Variants in KCNIP4 observed in about 807,000 individuals in gnomAD.
KCNIP4 encodes potassium voltage-gated channel interacting protein 4, also known as Kv channel-interacting protein 4.
In KCNIP4, 12 loss-of-function variants were observed where a neutral mutation model predicts 34.0. That is an observed-to-expected ratio of 0.35 (90% confidence interval 0.23 to 0.57). The LOEUF (loss-of-function observed/expected upper bound fraction) is 0.57, where lower values mean the gene tolerates loss of function less well. KCNIP4 is among the 20% of genes least tolerant of loss of function. KCNIP4 has a pLI of 0.83. For synonymous variants in KCNIP4, 124 were observed against 102.2 expected (o/e 1.21, Z -1.29); for missense variants, 238 against 311.7 (o/e 0.76, Z 1.78).
At chr4:20,824,425 T>G (rs1253561647) in intron 3 of KCNIP4, among the ~76,000 whole-genome samples, 1 of 152,204 alleles carries the variant, frequency 6.6e-6, no homozygotes, top group East Asian at 1.9e-4. Flanking sequence ...CTCATGCCTG[T>G]AATCCCAGCA....
chr4:21,271,434 A>G (rs1379340585), intron 1 of KCNIP4, among the ~76,000 whole-genome samples: 1 of 152,190 alleles, frequency 6.6e-6, no homozygotes, highest in African/African-American at 2.4e-5. Flanking sequence ...ATAGCATTTT[A>G]GGAGATGCAG....
chr4:21,034,197 T>C (rs965435650), intron 1 of KCNIP4, among the ~76,000 whole-genome samples: 3 of 152,212 alleles, frequency 2.0e-5, no homozygotes, highest in South Asian at 4.1e-4. Context: ...TGCACACTTA[T>C]AGAAGAGTTC....
At chr4:21,073,788 C>T (rs553321450) in intron 1 of KCNIP4, among the ~76,000 whole-genome samples, 37 of 152,178 alleles carry the variant, frequency 2.4e-4, no homozygotes, top group Middle Eastern at 3.4e-3. Flanking sequence ...ATAAAGAGTG[C>T]TTATTATTTT....
At chr4:20,867,671 G>T (rs143851570) in intron 2 of KCNIP4, among the ~76,000 whole-genome samples, 8 of 152,056 alleles carry the variant, frequency 5.3e-5, no homozygotes, top group African/African-American at 1.7e-4. Context: ...AAATAGACAA[G>T]TGGGACCTAA....
At chr4:20,921,862 T>C (rs1170111704) in intron 1 of KCNIP4, among the ~76,000 whole-genome samples, 2 of 152,232 alleles carry the variant, frequency 1.3e-5, no homozygotes, top group African/African-American at 4.8e-5. Flanking sequence ...ATGAAGACTA[T>C]CTCTATTATA....
chr4:21,328,171 G>A (rs1285378361), intron 1 of KCNIP4, among the ~76,000 whole-genome samples: 2 of 152,060 alleles, frequency 1.3e-5, no homozygotes, highest in Non-Finnish European at 2.9e-5. Context: ...AGTCTTTGTG[G>A]TTGGCTTGTT....
intron 1 of KCNIP4, among the ~76,000 whole-genome samples, chr4:21,797,973 T>C (rs555345706): frequency 6.6e-6 from 1 of 152,200 alleles, no homozygotes; most frequent in South Asian, 2.1e-4. Context: ...ATCAGAATAG[T>C]ATGATGTAAG....
At chr4:20,871,948 A>G (rs1265101298) in intron 2 of KCNIP4, among the ~76,000 whole-genome samples, 1 of 152,100 alleles carries the variant, frequency 6.6e-6, no homozygotes, top group African/African-American at 2.4e-5. Context: ...GCTTTGCAAA[A>G]CAAAGCATGA....
At chr4:20,925,142 G>A (rs1288383446) in intron 1 of KCNIP4, among the ~76,000 whole-genome samples, 2 of 152,140 alleles carry the variant, frequency 1.3e-5, no homozygotes, top group African/African-American at 4.8e-5. Flanking sequence ...TATATGCAAA[G>A]GTTACCTGTG....
At chr4:21,442,639 C>A (rs1222733801) in intron 1 of KCNIP4, among the ~76,000 whole-genome samples, 1 of 152,138 alleles carries the variant, frequency 6.6e-6, no homozygotes, top group African/African-American at 2.4e-5. Context: ...AATTTTCTAC[C>A]ATTTTCACTG....
chr4:21,401,284 C>T (rs1004434926), intron 1 of KCNIP4, among the ~76,000 whole-genome samples: 1 of 152,218 alleles, frequency 6.6e-6, no homozygotes, highest in Non-Finnish European at 1.5e-5. Context: ...CATTCTCCAT[C>T]AGTCTAGAAT....
chr4:21,287,089 C>G (rs968868908), intron 1 of KCNIP4, among the ~76,000 whole-genome samples: 1 of 152,086 alleles, frequency 6.6e-6, no homozygotes, highest in Admixed American at 6.5e-5. Flanking sequence ...AGTCCTCTCC[C>G]CCTGGAAGCA....
chr4:21,558,200 T>C (rs1739229701), intron 1 of KCNIP4, among the ~76,000 whole-genome samples: 1 of 152,110 alleles, frequency 6.6e-6, no homozygotes, highest in Non-Finnish European at 1.5e-5. Flanking sequence ...TTACCTTAAA[T>C]GGGATTTAGG....
chr4:21,238,584 T>C (rs773964147), intron 1 of KCNIP4, among the ~76,000 whole-genome samples: 8 of 152,166 alleles, frequency 5.3e-5, no homozygotes, highest in Middle Eastern at 3.4e-3. Flanking sequence ...TATACACCAA[T>C]AACAGACAAA....
chr4:21,453,713 T>G (rs1161807359), intron 1 of KCNIP4, among the ~76,000 whole-genome samples: 1 of 152,064 alleles, frequency 6.6e-6, no homozygotes, highest in Non-Finnish European at 1.5e-5. Flanking sequence ...AGCAACACAA[T>G]AAATGCTGCC....
At chr4:21,672,581 C>T (rs902980233) in intron 1 of KCNIP4, among the ~76,000 whole-genome samples, 1 of 152,180 alleles carries the variant, frequency 6.6e-6, no homozygotes, top group Non-Finnish European at 1.5e-5. Flanking sequence ...AGCATATTTA[C>T]TGGTAAGCAT....
chr4:21,043,289 T>A (rs28517864), intron 1 of KCNIP4, among the ~76,000 whole-genome samples: 4,202 of 152,256 alleles, frequency 0.028, 166 homozygotes, highest in African/African-American at 0.095. Flanking sequence ...TGACACTGAT[T>A]TATGCTTTTT....
chr4:21,487,930 G>A (rs748486108), intron 1 of KCNIP4, among the ~76,000 whole-genome samples: 2 of 151,940 alleles, frequency 1.3e-5, no homozygotes, highest in Non-Finnish European at 2.9e-5. Context: ...ACTTGCTTAT[G>A]TTCTGCCCTA....
intron 1 of KCNIP4, among the ~76,000 whole-genome samples, chr4:21,056,092 A>G (rs1001480924): frequency 6.6e-5 from 10 of 152,222 alleles, no homozygotes; most frequent in Non-Finnish European, 1.0e-4. Context: ...TTGGCTGTGA[A>G]TCTAAAACTG....
Sources: allele counts gnomAD v4.1 joint callset (sites outside exome capture counted in the v4.1 genomes callset), GRCh38; gene constraint gnomAD v4.1.1; transcripts MANE v1.5; gene names NCBI Gene and HGNC (gene_info 2026-07-23, HGNC 2026-07-21).